Variants in TSGA10 observed in about 807,000 individuals in gnomAD.
TSGA10 encodes the protein testis specific 10.
Under a neutral mutation model 96.6 loss-of-function variants are expected in TSGA10, and 43 were observed. That is an observed-to-expected ratio of 0.44 (90% CI 0.35 to 0.57). The LOEUF (loss-of-function observed/expected upper bound fraction) is 0.57. Ranked by LOEUF, TSGA10 falls within the 20% of genes least tolerant of loss-of-function variation. The pLI, the probability that TSGA10 is intolerant of heterozygous loss-of-function variation, is 0.01. For synonymous variants in TSGA10, 229 were observed against 269.9 expected (o/e 0.85, Z 1.48); for missense variants, 703 against 834.4 (o/e 0.84, Z 1.94).
intron 5 of TSGA10, among the ~76,000 whole-genome samples, 184 bp downstream of exon 5, chr2:99,110,666 A>C (rs1201633209): frequency 6.6e-6 from 1 of 152,196 alleles, no homozygotes; most frequent in Non-Finnish European, 1.5e-5. Flanking sequence ...TGATGAAAGC[A>C]GCAAAAAAAA....
chr2:99,144,573 C>T (rs973378884), intron 1 of TSGA10, among the ~76,000 whole-genome samples: 4 of 140,982 alleles, frequency 2.8e-5, no homozygotes, highest in African/African-American at 1.0e-4. Context: ...TGCTTGAACC[C>T]GGGAGGCAGA....
chr2:99,096,514 G>GA (rs2090052713), intron 10 of TSGA10, among the ~76,000 whole-genome samples: 1 of 152,148 alleles, frequency 6.6e-6, no homozygotes, highest in South Asian at 2.1e-4. Flanking sequence ...TGCATATCTA[G>GA]AATCTCTTTA....
chr2:99,108,666 G>A (rs1483119355), intron 7 of TSGA10, among the ~76,000 whole-genome samples, 167 bp downstream of exon 7: 1 of 151,890 alleles, frequency 6.6e-6, no homozygotes, highest in Non-Finnish European at 1.5e-5. Context: ...CTACTGTATT[G>A]GAAATGTACT....
intron 15 of TSGA10, among the ~76,000 whole-genome samples, chr2:99,068,020 C>A (rs2085470126): frequency 6.6e-6 from 1 of 152,034 alleles, no homozygotes; most frequent in Non-Finnish European, 1.5e-5. Context: ...AAATAAAAAG[C>A]CTTTTGTTCA....
chr2:99,141,140 C>G, intron 1 of TSGA10: 1 of 1,273,894 alleles, frequency 7.8e-7, no homozygotes, highest in Non-Finnish European at 1.0e-6. Context: ...CAGAGCTCAT[C>G]CCCGCGACTG....
At chr2:99,055,860 C>CAAAAAAAAAAA (rs59969222) in intron 16 of TSGA10, among the ~76,000 whole-genome samples, 1 of 90,814 alleles carries the variant, frequency 1.1e-5, no homozygotes, top group African/African-American at 3.9e-5. Context: ...ATCCAATTAA[C>CAAAAAAAAAAA]AAAAAAAAAA....
At chr2:99,144,878 G>A (rs1375484212) in intron 1 of TSGA10, among the ~76,000 whole-genome samples, 2 of 152,138 alleles carry the variant, frequency 1.3e-5, no homozygotes, top group Non-Finnish European at 2.9e-5. Flanking sequence ...ATATGCTTGA[G>A]GAACAGCAAT....
chr2:99,026,399 T>C (rs547611904), intron 17 of TSGA10, among the ~76,000 whole-genome samples: 19 of 152,234 alleles, frequency 1.2e-4, no homozygotes, highest in African/African-American at 4.6e-4. Flanking sequence ...AACAAAAATA[T>C]ACAGTCAGAC....
intron 5 of TSGA10, among the ~76,000 whole-genome samples, chr2:99,110,614 C>T (rs1007646586): frequency 1.3e-5 from 2 of 151,992 alleles, no homozygotes; most frequent in African/African-American, 4.8e-5. Flanking sequence ...TTAATAAAAC[C>T]AACCAAAAGT....
intron 2 of TSGA10, among the ~76,000 whole-genome samples, chr2:99,121,035 T>C (rs1002592956): frequency 6.6e-6 from 1 of 152,214 alleles, no homozygotes; most frequent in African/African-American, 2.4e-5. Flanking sequence ...TAATATTCCA[T>C]GGTATGGAAT....
intron 17 of TSGA10, among the ~76,000 whole-genome samples, chr2:99,027,894 G>C (rs1330190031): frequency 1.3e-5 from 2 of 152,112 alleles, no homozygotes; most frequent in Non-Finnish European, 2.9e-5. Flanking sequence ...ATATATTGTA[G>C]CATCTCTAAA....
intron 19 of TSGA10, 53 bp downstream of exon 19, chr2:99,018,483 T>C (rs2079728531): frequency 1.3e-6 from 2 of 1,586,032 alleles, no homozygotes; most frequent in Non-Finnish European, 1.7e-6. Flanking sequence ...TAAGAAACAA[T>C]GCTTTCCATG....
At chr2:99,093,756 CACAA>C (rs1471158294) in intron 10 of TSGA10, among the ~76,000 whole-genome samples, 2 of 151,930 alleles carry the variant, frequency 1.3e-5, no homozygotes, top group Admixed American at 6.6e-5. Flanking sequence ...TCACAGACGA[CACAA>C]ACAAATGGAA....
intron 1 of TSGA10, among the ~76,000 whole-genome samples, chr2:99,135,557 G>T (rs769548537): frequency 4.6e-5 from 7 of 152,068 alleles, no homozygotes; most frequent in Non-Finnish European, 8.8e-5. Context: ...TCTCAATTAG[G>T]AAGTCACACA....
intron 9 of TSGA10, 149 bp downstream of exon 9, chr2:99,105,210 T>G: frequency 1.7e-6 from 1 of 582,724 alleles, no homozygotes; most frequent in Non-Finnish European, 2.7e-6. Flanking sequence ...AAAGTGACAA[T>G]TTACACTATA....
At chr2:99,118,094 A>AT (rs979198228) in intron 3 of TSGA10, among the ~76,000 whole-genome samples, 2 of 152,158 alleles carry the variant, frequency 1.3e-5, no homozygotes, top group African/African-American at 4.8e-5. Flanking sequence ...TAGCTTTGAA[A>AT]TTAATTTTAA....
At chr2:99,055,782 G>T (rs2083907532) in intron 16 of TSGA10, among the ~76,000 whole-genome samples, 1 of 150,670 alleles carries the variant, frequency 6.6e-6, no homozygotes. Context: ...GAGCCCAGGA[G>T]GTCAAGGCTG....
chr2:99,086,329 T>C (rs930292082), intron 10 of TSGA10, among the ~76,000 whole-genome samples: 4 of 152,222 alleles, frequency 2.6e-5, no homozygotes, highest in Non-Finnish European at 4.4e-5. Flanking sequence ...CATAAACATG[T>C]ATGTTAAAAG....
intron 12 of TSGA10, among the ~76,000 whole-genome samples, chr2:99,076,871 T>C (rs1392886390): frequency 6.6e-6 from 1 of 152,104 alleles, no homozygotes; most frequent in Non-Finnish European, 1.5e-5. Context: ...GTGACTACTA[T>C]CTAGTCATTC....
Sources: allele counts gnomAD v4.1 joint callset (sites outside exome capture counted in the v4.1 genomes callset), GRCh38; gene constraint gnomAD v4.1.1; transcripts MANE v1.5; gene names NCBI Gene and HGNC (gene_info 2026-07-23, HGNC 2026-07-21).